Variants in NGEF observed in about 807,000 individuals in gnomAD.
NGEF encodes neuronal guanine nucleotide exchange factor.
In NGEF, 31 loss-of-function variants were observed where a neutral mutation model predicts 80.9. The observed-to-expected ratio is 0.38, with a 90% CI of 0.29 to 0.52. The LOEUF (loss-of-function observed/expected upper bound fraction) is 0.52, where lower values mean the gene tolerates loss of function less well. Ranked by LOEUF, NGEF falls within the 20% of genes least tolerant of loss-of-function variation. The probability of loss-of-function intolerance (pLI) is 0.84; values close to 1 mark genes in which losing one functional copy is unlikely to be tolerated. For synonymous variants in NGEF, 371 were observed against 370.2 expected, an observed-to-expected ratio of 1.00 and a Z score of -0.03; for missense variants, 709 against 926.2, an observed-to-expected ratio of 0.77 and a Z score of 3.04.
intron 8 of NGEF, among the ~76,000 whole-genome samples, 178 bp downstream of exon 8, chr2:232,891,180 G>C (rs1048497017): frequency 6.6e-6 from 1 of 152,242 alleles, no homozygotes; most frequent in African/African-American, 2.4e-5. Context: ...TCCCCTCTGC[G>C]ATGGGCTCCC....
At chr2:232,951,903 A>G (rs1693686615) in intron 3 of NGEF, among the ~76,000 whole-genome samples, 1 of 152,214 alleles carries the variant, frequency 6.6e-6, no homozygotes, top group South Asian at 2.1e-4. Flanking sequence ...GCATTTCTTA[A>G]CATAAGCCAG....
intron 3 of NGEF, among the ~76,000 whole-genome samples, chr2:232,953,639 C>A (rs544774024): frequency 9.2e-5 from 14 of 152,186 alleles, no homozygotes; most frequent in African/African-American, 3.1e-4. Flanking sequence ...TGCCCAGAGC[C>A]GGGGTCTTCT....
intron 4 of NGEF, among the ~76,000 whole-genome samples, chr2:232,923,645 G>A (rs375462027): frequency 2.6e-5 from 4 of 152,152 alleles, no homozygotes; most frequent in Non-Finnish European, 4.4e-5. Flanking sequence ...TGAGGCAGGA[G>A]AATCACTTGA....
At chr2:232,928,989 T>C (rs568375437) in intron 3 of NGEF, among the ~76,000 whole-genome samples, 1 of 152,310 alleles carries the variant, frequency 6.6e-6, no homozygotes, top group South Asian at 2.1e-4. Flanking sequence ...TCTGCTCAGG[T>C]GTGGCGAGGA....
intron 1 of NGEF, among the ~76,000 whole-genome samples, chr2:232,996,255 G>T (rs367910660): frequency 4.1e-4 from 62 of 152,220 alleles, no homozygotes; most frequent in African/African-American, 1.4e-3. Flanking sequence ...TTGAACCCAG[G>T]AGGCAGAGGT....
At chr2:232,895,652 C>T (rs761220898) in intron 5 of NGEF, among the ~76,000 whole-genome samples, 2 of 152,156 alleles carry the variant, frequency 1.3e-5, no homozygotes, top group African/African-American at 2.4e-5. Flanking sequence ...TGTTCCTCCA[C>T]GCCCAGCAGA....
intron 3 of NGEF, among the ~76,000 whole-genome samples, chr2:232,948,760 G>A (rs1057050962): frequency 6.6e-6 from 1 of 152,196 alleles, no homozygotes; most frequent in African/African-American, 2.4e-5. Context: ...GCTCACGCCT[G>A]TAATCCCAGC....
chr2:232,973,690 C>T (rs1294522227), intron 2 of NGEF, among the ~76,000 whole-genome samples: 1 of 152,218 alleles, frequency 6.6e-6, no homozygotes, highest in Non-Finnish European at 1.5e-5. Flanking sequence ...GGCTGTCCTC[C>T]ACCTTCCAAA....
chr2:232,989,312 G>T (rs575097084), intron 1 of NGEF, among the ~76,000 whole-genome samples: 1 of 152,156 alleles, frequency 6.6e-6, no homozygotes, highest in African/African-American at 2.4e-5. Flanking sequence ...GCCAGGCATG[G>T]TGGTGCACAC....
At chr2:232,985,641 T>A (rs186491390) in intron 1 of NGEF, among the ~76,000 whole-genome samples, 308 of 152,210 alleles carry the variant, frequency 2.0e-3, no homozygotes, top group African/African-American at 7.2e-3. Context: ...TAGTCCCAGC[T>A]ACTCGAGAGG....
chr2:232,949,482 C>CTT (rs71398759), intron 3 of NGEF, among the ~76,000 whole-genome samples: 47,929 of 147,032 alleles, frequency 0.33, 8,438 homozygotes, highest in Middle Eastern at 0.43. Context: ...TGCACTCTTT[C>CTT]TTTTTTTTTT....
intron 6 of NGEF, among the ~76,000 whole-genome samples, chr2:232,893,784 TAAAA>T: frequency 6.6e-6 from 1 of 151,682 alleles, no homozygotes; most frequent in East Asian, 1.9e-4. Context: ...TCAAAAAAAA[TAAAA>T]AAGAAGTGCC....
At chr2:232,881,351 C>T (rs1264895673) in intron 13 of NGEF, 101 bp from the exon 14 acceptor site, 3 of 834,532 alleles carry the variant, frequency 3.6e-6, no homozygotes, top group African/African-American at 3.4e-5. Context: ...AGGAAAACTC[C>T]CACAGCAACT....
intron 3 of NGEF, among the ~76,000 whole-genome samples, chr2:232,931,030 A>T (rs912182863): frequency 6.6e-6 from 1 of 152,206 alleles, no homozygotes; most frequent in African/African-American, 2.4e-5. Context: ...GAAAAATTCT[A>T]TGTTTCCAAA....
At chr2:232,890,195 T>G (rs79066040) in intron 8 of NGEF, among the ~76,000 whole-genome samples, 1 of 111,286 alleles carries the variant, frequency 9.0e-6, no homozygotes, top group Non-Finnish European at 2.3e-5. Flanking sequence ...AGGGGGTCTC[T>G]GTCCTGCCTC....
In NGEF at chr2:232,888,118, A is replaced by G. The variant is rs748967055; in HGVS notation, c.1273-11T>C. 1 of 1,572,786 alleles carries G rather than the reference A, an allele frequency of 6.4e-7. No individual in the cohort carries two copies. The highest frequency in any genetic ancestry group is 8.6e-7 in the Non-Finnish European group (1 of 1,163,266). On this transcript the variant is annotated splice_polypyrimidine_tract_variant and intron_variant, in intron 8 of 14. Coordinates refer to ENST00000264051, the MANE Select transcript of NGEF (RefSeq NM_019850.3). ...CCTCTTCAGGATGTTCTATGCACAG[A>G]GAAAGGCTGCGTTAACTTTAATCTT...
chr2:232,994,798 TTA>T (rs1694743435), intron 1 of NGEF, among the ~76,000 whole-genome samples: 1 of 152,010 alleles, frequency 6.6e-6, no homozygotes, highest in Non-Finnish European at 1.5e-5. Context: ...GGGAGCTGCT[TTA>T]TTTATGCATT....
At chr2:232,967,116 T>G (rs1694078566) in intron 3 of NGEF, among the ~76,000 whole-genome samples, 2 of 152,170 alleles carry the variant, frequency 1.3e-5, no homozygotes, top group Non-Finnish European at 2.9e-5. Flanking sequence ...GTCTCTGTGC[T>G]GTCTTCGTGA....
intron 5 of NGEF, among the ~76,000 whole-genome samples, chr2:232,898,179 A>G (rs1489803857): frequency 6.6e-6 from 1 of 152,262 alleles, no homozygotes; most frequent in African/African-American, 2.4e-5. Context: ...GTTCCAAGCA[A>G]ACATAACTCA....
Sources: allele counts gnomAD v4.1 joint callset (sites outside exome capture counted in the v4.1 genomes callset), GRCh38; gene constraint gnomAD v4.1.1; transcripts MANE v1.5; gene names NCBI Gene and HGNC (gene_info 2026-07-23, HGNC 2026-07-21).